Variants in NDST1 observed in about 807,000 individuals in gnomAD.
NDST1 encodes bifunctional heparan sulfate N-deacetylase/N-sulfotransferase 1.
NDST1 carries 35 observed loss-of-function variants against 92.8 expected under a neutral mutation model. That is an observed-to-expected ratio of 0.38 (90% CI 0.29 to 0.50). NDST1 has a LOEUF of 0.50. NDST1 is among the 20% of genes least tolerant of loss of function. The probability of loss-of-function intolerance (pLI) is 0.94; values close to 1 mark genes in which losing one functional copy is unlikely to be tolerated. For synonymous variants in NDST1, 493 were observed against 500.3 expected (o/e 0.99, Z 0.19); for missense variants, 822 against 1,182.7 (o/e 0.69, Z 4.47).
chr5:150,503,753 G>A (rs17799613), upstream of NDST1, among the ~76,000 whole-genome samples: 4,714 of 152,226 alleles, frequency 0.031, 403 homozygotes, highest in Admixed American at 0.17. Context: ...CTAGCCAAGG[G>A]TCTTCATTGG....
intron 1 of NDST1, among the ~76,000 whole-genome samples, chr5:150,512,874 T>G (rs1753787604): frequency 6.6e-6 from 1 of 152,152 alleles, no homozygotes; most frequent in Non-Finnish European, 1.5e-5. Flanking sequence ...TGCTCAAAGG[T>G]CATGAGGCTG....
At chr5:150,505,061 T>C (rs182650148), upstream of NDST1, among the ~76,000 whole-genome samples, 1 of 152,320 alleles carries the variant, frequency 6.6e-6, no homozygotes, top group East Asian at 1.9e-4. Context: ...AAAGTTGGCA[T>C]GTGATACCGC....
chr5:150,533,119 G>A (rs928279524), intron 4 of NDST1, 87 bp downstream of exon 4: 20 of 1,357,402 alleles, frequency 1.5e-5, no homozygotes, highest in East Asian at 2.3e-5. Context: ...TGAGGGCAGC[G>A]GGTGGGTTTA....
chr5:150,508,623 G>A (rs1753576046), intron 1 of NDST1, among the ~76,000 whole-genome samples: 1 of 152,136 alleles, frequency 6.6e-6, no homozygotes, highest in African/African-American at 2.4e-5. Context: ...CAGGGCCACG[G>A]GGGAAGCTGA....
Position 150,521,740 on chromosome 5 carries a change from CG to C in NDST1, c.488del (p.Gly163AlafsTer16). On this transcript the variant is annotated frameshift_variant, in exon 2 of 15. Coordinates refer to ENST00000261797, the MANE Select transcript of NDST1 (RefSeq NM_001543.5). LOFTEE classifies it high-confidence loss of function. This position sits in a 1 kb window ranked among gnomAD's most constrained non-coding sequence, Gnocchi z 5.9. The part of the protein sequence containing the change: ...ELLDKYCVAY[G>X]VGIIGFFKAN... ...TGCTGGACAAGTACTGTGTGGCCTA[CG>C]GCGTGGGCATCATTGGCTTCTTCAA... 6.2e-7 allele frequency: 1 copy of C among 1,613,888 alleles called. No homozygotes were observed. The highest frequency in any genetic ancestry group is 8.5e-7 in the Non-Finnish European group (1 of 1,180,036).
At chr5:150,505,553 CA>C (rs1488327498), upstream of NDST1, among the ~76,000 whole-genome samples, 1 of 152,158 alleles carries the variant, frequency 6.6e-6, no homozygotes, top group African/African-American at 2.4e-5. Context: ...GAGCCCAGAA[CA>C]TAATGGCATC....
At chr5:150,538,785 C>G (rs1035269918) in intron 6 of NDST1, among the ~76,000 whole-genome samples, 4 of 152,184 alleles carry the variant, frequency 2.6e-5, no homozygotes, top group Admixed American at 6.5e-5. Flanking sequence ...CAGGCCCATT[C>G]CCTGCTCCCT....
At position 150,553,619 on chromosome 5, in the gene NDST1, ACT is replaced by A. The variant is rs2151307927; in HGVS notation, c.*290_*291del. The A allele has an allele frequency of 2.3e-6, 1 of 443,128 alleles. No individual in the cohort carries two copies. The highest frequency in any genetic ancestry group is 2.0e-5 in the South Asian group (1 of 49,322). 27.4% of individuals were successfully genotyped at this position (443,128 alleles called of 1,614,324 possible). A position where few individuals can be genotyped will look rare whatever the true frequency, so the allele number is the denominator to read the frequency against. On this transcript the variant is annotated 3_prime_UTR_variant, in exon 15 of 15. Coordinates refer to ENST00000261797, the MANE Select transcript of NDST1 (RefSeq NM_001543.5). The surrounding 1 kb of genome is among the most constrained non-coding windows in gnomAD (Gnocchi z 4.2). ...TTCCTGGTAGGAGGGAGTCCACGAG[ACT>A]CTTTTCTGTCCCTCACTGTGTTCCG...
Position 150,535,718 on chromosome 5 carries a change from G to A in NDST1, c.1270G>A (p.Asp424Asn), listed in dbSNP as rs769094227. 8.1e-6 allele frequency: 13 copies of A among 1,614,208 alleles called. No homozygotes were observed. The highest frequency in any genetic ancestry group is 1.1e-5 in the Non-Finnish European group (13 of 1,180,042). ...TCCCTAGGAGCATGGCATTCCCACA[G>A]ACATGGGGTATGCAGTGGCGCCCCA... The part of the protein sequence containing the change: ...KFAVEHGIPT[D>N]MGYAVAPHHS... The change falls in exon 6 of 15, where the codon GAC (aspartate) becomes AAC (asparagine). Residue 424 changes from aspartate (D) to asparagine (N), a missense_variant. Coordinates refer to ENST00000261797, the MANE Select transcript of NDST1 (RefSeq NM_001543.5).
intron 2 of NDST1, among the ~76,000 whole-genome samples, chr5:150,525,409 C>T (rs1347757820): frequency 5.3e-5 from 8 of 152,194 alleles, no homozygotes; most frequent in African/African-American, 1.4e-4. Context: ...CCTCAGCAGG[C>T]GATGGACAAG....
chr5:150,506,168 T>C (rs1022505099), upstream of NDST1, among the ~76,000 whole-genome samples: 1 of 152,206 alleles, frequency 6.6e-6, no homozygotes, highest in African/African-American at 2.4e-5. Flanking sequence ...TGGAGTGCAG[T>C]GGTGCAATCT....
At position 150,549,544 on chromosome 5, in the gene NDST1, CA is replaced by C. The variant is rs1755632775; in HGVS notation, c.2317-133del. On this transcript the variant is annotated intron_variant, in intron 12 of 14. Transcript: ENST00000261797. ...GAGCTTGGGGATACCTGCCCTTCAA[CA>C]GGGGAGGAGGAGCCAGTTCTAGAGG... 3 of 697,198 alleles carry C rather than the reference CA, an allele frequency of 4.3e-6. No homozygotes were observed. In the East Asian group the frequency reaches 8.2e-5, roughly 19 times the overall value. The allele number at this position is 697,198 out of a possible 1,614,324, so 43.2% of individuals were successfully genotyped here.
At chr5:150,522,449 T>C (rs1015159272) in intron 2 of NDST1, among the ~76,000 whole-genome samples, 3 of 149,118 alleles carry the variant, frequency 2.0e-5, no homozygotes, top group East Asian at 2.0e-4. Context: ...CGGGGGGAGG[T>C]TGGGAATGGT....
Position 150,528,309 on chromosome 5 carries a change from G to A in NDST1, c.1008+11G>A, listed in dbSNP as rs764492744. 3.2e-6 allele frequency: 5 copies of A among 1,581,138 alleles called. No individual in the cohort carries two copies. The highest frequency in any genetic ancestry group is 4.5e-5 in the East Asian group (2 of 44,434). On this transcript the variant is annotated intron_variant, in intron 3 of 14. Transcript: ENST00000261797. ...GTGGAGGACGTGAAGGTATGGCCGG[G>A]GGTGCTAGACCGGGCAAGGCAGGTG... is the stretch of plus-strand genomic sequence containing the variant.
At chr5:150,543,727 A>G (rs1755349784) in intron 10 of NDST1, among the ~76,000 whole-genome samples, 1 of 150,482 alleles carries the variant, frequency 6.6e-6, no homozygotes, top group South Asian at 2.1e-4. Context: ...ACCATTATTT[A>G]TTATTTTTAT....
At chr5:150,505,103 G>T (rs1307301395), upstream of NDST1, among the ~76,000 whole-genome samples, 2 of 152,236 alleles carry the variant, frequency 1.3e-5, no homozygotes, top group Non-Finnish European at 2.9e-5. Flanking sequence ...TTGCATCTGT[G>T]TAATGATTTA....
intron 6 of NDST1, among the ~76,000 whole-genome samples, chr5:150,537,396 A>G (rs1453588816): frequency 3.9e-5 from 6 of 152,232 alleles, no homozygotes; most frequent in Non-Finnish European, 8.8e-5. Flanking sequence ...AACATCCCTA[A>G]GAAGAGAATG....
rs150309841 is a variant in NDST1 at position 150,513,617 on chromosome 5, A to G, written c.-388+5391A>G. On this transcript the variant is annotated intron_variant, in intron 1 of 14. Transcript: ENST00000261797. The stretch of plus-strand genomic sequence containing the variant: ...GGAGGCCTGCTGGCGCACAGTAGGC[A>G]TGGTGTACATGTGAGTTGGGTTACT... Among the ~76,000 whole-genome samples the G allele has an allele frequency of 4.8e-3, 734 of 152,330 alleles. 2 individuals carry two copies. The highest frequency in any genetic ancestry group is 0.017 in the African/African-American group (708 of 41,576).
At chr5:150,514,398 C>T (rs1177008896) in intron 1 of NDST1, among the ~76,000 whole-genome samples, 1 of 151,918 alleles carries the variant, frequency 6.6e-6, no homozygotes, top group Non-Finnish European at 1.5e-5. Flanking sequence ...GGCAAAACCG[C>T]ATATCTACAA....
Sources: allele counts gnomAD v4.1 joint callset (sites outside exome capture counted in the v4.1 genomes callset), GRCh38; gene constraint gnomAD v4.1.1; non-coding constraint Gnocchi (gnomAD v3.1); transcripts MANE v1.5; gene names NCBI Gene and HGNC (gene_info 2026-07-23, HGNC 2026-07-21).